Variants in RERE observed in about 807,000 individuals in gnomAD.
RERE encodes the protein arginine-glutamic acid dipeptide repeats protein.
In RERE, 40 loss-of-function variants were observed where a neutral mutation model predicts 146.1. The ratio of observed to expected loss-of-function variants is 0.27; its 90% CI spans 0.21 to 0.36. RERE has a LOEUF of 0.36. RERE is among the 10% of genes least tolerant of loss of function. RERE has a pLI of 1.00. For synonymous variants in RERE, 1,003 were observed against 866.0 expected (o/e 1.16, Z -2.78); for missense variants, 1,933 against 2,138.7 (o/e 0.90, Z 1.90).
At chr1:8,411,471 C>T (rs1480574050) in intron 12 of RERE, among the ~76,000 whole-genome samples, 5 of 152,062 alleles carry the variant, frequency 3.3e-5, no homozygotes, top group Non-Finnish European at 7.3e-5. Flanking sequence ...GGCAAATCCA[C>T]CCCAGAGGAC....
At chr1:8,576,777 G>C (rs1646300059) in intron 4 of RERE, among the ~76,000 whole-genome samples, 1 of 152,244 alleles carries the variant, frequency 6.6e-6, no homozygotes, top group Admixed American at 6.5e-5. Flanking sequence ...AGAAACATAA[G>C]CTGGCACAAT....
At chr1:8,585,184 A>C (rs1049110811) in intron 4 of RERE, among the ~76,000 whole-genome samples, 1 of 151,698 alleles carries the variant, frequency 6.6e-6, no homozygotes, top group African/African-American at 2.4e-5. Flanking sequence ...GGATAGTCTA[A>C]TTCTGTCACC....
intron 1 of RERE, among the ~76,000 whole-genome samples, chr1:8,717,040 T>C (rs1352810948): frequency 6.6e-6 from 1 of 152,192 alleles, no homozygotes; most frequent in Non-Finnish European, 1.5e-5. Flanking sequence ...ACTCAATCAC[T>C]ATAATTTTAG....
intron 1 of RERE, among the ~76,000 whole-genome samples, chr1:8,763,845 G>A (rs1640799719): frequency 9.2e-5 from 14 of 151,786 alleles, no homozygotes; most frequent in Admixed American, 9.2e-4. Flanking sequence ...GGAGGCCGAG[G>A]CAGGAGAATC....
At chr1:8,419,026 T>TA (rs1211450401) in intron 12 of RERE, among the ~76,000 whole-genome samples, 2 of 152,204 alleles carry the variant, frequency 1.3e-5, no homozygotes, top group Non-Finnish European at 2.9e-5. Context: ...AGAAGAGGTA[T>TA]ACAGCCAAGG....
In RERE at chr1:8,429,574, T is replaced by A. The variant is rs148960021; in HGVS notation, c.1204-6767A>T. Among the ~76,000 whole-genome samples, 8 of 152,280 alleles carry A rather than the reference T, an allele frequency of 5.3e-5. No individual in the cohort carries two copies. In the East Asian group the frequency reaches 1.5e-3, roughly 29 times the overall value. On this transcript the variant is annotated intron_variant, in intron 11 of 22. Coordinates refer to ENST00000400908, the MANE Select transcript of RERE (RefSeq NM_001042681.2). ...GAAGACAGGGGCTAAGCTACAAAAA[T>A]GGCTAAAAGATACCTCTGCATTAAC...
chr1:8,641,606 C>T (rs1233346087), intron 2 of RERE, among the ~76,000 whole-genome samples: 1 of 152,168 alleles, frequency 6.6e-6, no homozygotes, highest in Non-Finnish European at 1.5e-5. Flanking sequence ...CTCCTTGCCC[C>T]ACTGTTTCTC....
intron 4 of RERE, among the ~76,000 whole-genome samples, chr1:8,559,297 A>AAACAAAAAAAAAAAAAC: frequency 6.9e-6 from 1 of 145,454 alleles, no homozygotes; most frequent in South Asian, 2.2e-4. Context: ...AAAAAAAAAA[A>AAACAAAAAAAAAAAAAC]AAAAAAACAG....
chr1:8,470,313 A>C lies in RERE; in HGVS notation c.1105-4290T>G, dbSNP rs1644663671. Among the ~76,000 whole-genome samples the C allele has an allele frequency of 2.0e-5, 3 of 152,196 alleles. No homozygotes were observed. In the South Asian group the frequency reaches 6.2e-4, roughly 32 times the overall value. On this transcript the variant is annotated intron_variant, in intron 10 of 22. Coordinates refer to ENST00000400908, the MANE Select transcript of RERE (RefSeq NM_001042681.2). ...AGTCTCACTCTGTTGCCCAGGCTGG[A>C]GTGCAGTGGCGTGATCTCGACTCAC...
At chr1:8,729,248 G>C (rs1034285878) in intron 1 of RERE, among the ~76,000 whole-genome samples, 4 of 140,930 alleles carry the variant, frequency 2.8e-5, no homozygotes, top group African/African-American at 1.0e-4. Context: ...TATTGAGATG[G>C]AGTCTCGCTC....
chr1:8,539,608 G>T (rs1173619395), intron 7 of RERE, among the ~76,000 whole-genome samples: 1 of 152,078 alleles, frequency 6.6e-6, no homozygotes. Context: ...GTTTCACCAC[G>T]TTGGCCAGGC....
chr1:8,523,545 C>T (rs1319842111), intron 7 of RERE, among the ~76,000 whole-genome samples: 1 of 152,188 alleles, frequency 6.6e-6, no homozygotes, highest in African/African-American at 2.4e-5. Context: ...AGTAACTTCC[C>T]ATGTGCTGTT....
rs747454855 is a variant in RERE at position 8,510,523 on chromosome 1, GA to G, written c.831-1849del. Among the ~76,000 whole-genome samples the G allele has an allele frequency of 2.0e-5, 3 of 152,310 alleles. No individual in the cohort carries two copies. In the South Asian group the frequency reaches 6.2e-4, roughly 32 times the overall value. Reference sequence around the variant, plus strand: ...TTCTCATAGGTTTATGCAGGAAATGGAAGAAGCTGTTTTAGGAGGTATGTAA... The same window carrying G: ...TTCTCATAGGTTTATGCAGGAAATGGAGAAGCTGTTTTAGGAGGTATGTAA... On this transcript the variant is annotated intron_variant, in intron 7 of 22. Transcript: ENST00000400908.
intron 3 of RERE, among the ~76,000 whole-genome samples, chr1:8,617,708 A>G (rs991526335): frequency 7.9e-5 from 12 of 152,284 alleles, no homozygotes; most frequent in East Asian, 3.9e-4. Flanking sequence ...GGCATTTTTC[A>G]TAACACATGG....
intron 2 of RERE, among the ~76,000 whole-genome samples, chr1:8,628,809 T>C (rs960218481): frequency 6.6e-6 from 1 of 152,188 alleles, no homozygotes; most frequent in African/African-American, 2.4e-5. Flanking sequence ...GCCAAAATGA[T>C]TTGGCAAGAT....
At position 8,708,585 on chromosome 1, in the gene RERE, G is replaced by A. The variant is rs748908052; in HGVS notation, c.-144-52144C>T. The stretch of plus-strand genomic sequence containing the variant: ...ACTGAATCCACCCACCTCAGTCTCC[G>A]AAAGTGCTGGAATTACAGGCATGAA... On this transcript the variant is annotated intron_variant, in intron 1 of 22. Coordinates refer to ENST00000400908, the MANE Select transcript of RERE (RefSeq NM_001042681.2). 2.1e-4 allele frequency among the ~76,000 whole-genome samples: 32 copies of A among 152,010 alleles called. 1 individual carries two copies. The highest frequency in any genetic ancestry group is 1.4e-3 in the Admixed American group (22 of 15,258).
chr1:8,566,893 C>T (rs905104760), intron 4 of RERE, among the ~76,000 whole-genome samples: 6 of 151,572 alleles, frequency 4.0e-5, no homozygotes, highest in Non-Finnish European at 2.9e-5. Context: ...AGGGTTCCAG[C>T]AATTCTCCTG....
In RERE at chr1:8,647,704, T is replaced by C. The variant is rs114521847; in HGVS notation, c.325+8269A>G. On this transcript the variant is annotated intron_variant, in intron 2 of 22. Coordinates refer to ENST00000400908, the MANE Select transcript of RERE (RefSeq NM_001042681.2). Reference sequence around the variant, plus strand: ...CCCCTGGAACACCAAATACCACATCTTGGTTTTGTTTTATTTTGGGAAGGA... The same window carrying C: ...CCCCTGGAACACCAAATACCACATCCTGGTTTTGTTTTATTTTGGGAAGGA... 2.9e-3 allele frequency among the ~76,000 whole-genome samples: 435 copies of C among 150,386 alleles called. 3 individuals are homozygous for C. Among genetic ancestry groups the C allele is most frequent in the African/African-American group, 0.01 (414 of 41,080 alleles).
intron 19 of RERE, among the ~76,000 whole-genome samples, chr1:8,359,213 G>A (rs1641446926): frequency 1.3e-5 from 2 of 152,182 alleles, no homozygotes; most frequent in South Asian, 4.1e-4. Flanking sequence ...GTGACAGCTG[G>A]GGGGCATGGG....
Sources: gnomAD v4.1 joint callset for allele counts (sites outside exome capture counted in the v4.1 genomes callset) on GRCh38, gnomAD v4.1.1 for gene constraint, MANE v1.5 for transcripts, NCBI Gene and HGNC (gene_info 2026-07-23, HGNC 2026-07-21) for gene names.